Variants in VAC14 observed in about 807,000 individuals in gnomAD.
VAC14 encodes protein VAC14 homolog.
Under a neutral mutation model 85.3 loss-of-function variants are expected in VAC14, and 47 were observed. That is an observed-to-expected ratio of 0.55 (90% CI 0.44 to 0.70). VAC14 has a LOEUF of 0.70. Among genes scored for constraint, VAC14 ranks in the 30% least tolerant of loss-of-function variants. The pLI, the probability that VAC14 is intolerant of heterozygous loss-of-function variation, is 0.00. For synonymous variants in VAC14, 447 were observed against 430.5 expected, an observed-to-expected ratio of 1.04 and a Z score of -0.47; for missense variants, 861 against 1,004.3, an observed-to-expected ratio of 0.86 and a Z score of 1.93.
At chr16:70,779,396 C>T (rs1384727082) in intron 9 of VAC14, among the ~76,000 whole-genome samples, 1 of 152,214 alleles carries the variant, frequency 6.6e-6, no homozygotes, top group Non-Finnish European at 1.5e-5. Context: ...TAGGCTTAGT[C>T]TTCCCTATAA....
At chr16:70,695,644 AGTCT>A in intron 16 of VAC14, 21 bp from the exon 17 acceptor site, 1 of 1,609,760 alleles carries the variant, frequency 6.2e-7, no homozygotes, top group Non-Finnish European at 8.5e-7. Flanking sequence ...AGTCAAGGAA[AGTCT>A]GTCTGCTGGG....
intron 14 of VAC14, among the ~76,000 whole-genome samples, chr16:70,706,304 G>C (rs896662598): frequency 6.6e-6 from 1 of 152,252 alleles, no homozygotes; most frequent in Non-Finnish European, 1.5e-5. Flanking sequence ...TCTGAGGACA[G>C]TGTGGGCTGG....
In VAC14 at chr16:70,689,116, T is replaced by C. The variant is rs577734110; in HGVS notation, c.2187-1026A>G. On this transcript the variant is annotated intron_variant, in intron 18 of 18. Transcript: ENST00000261776. ...GCAGAGCACAGGATCTAGACAGACC[T>C]GGACCCAACCATAACTCCACCGCTT... 102 of 983,196 alleles carry C rather than the reference T, an allele frequency of 1.0e-4. No homozygotes were observed. The African/African-American group carries it at 1.8e-3, about 17-fold the overall frequency. 60.9% of individuals were successfully genotyped at this position (983,196 alleles called of 1,614,324 possible).
chr16:70,772,725 A>G (rs1195678370), intron 9 of VAC14: 1 of 152,360 alleles, frequency 6.6e-6, no homozygotes, highest in Non-Finnish European at 1.5e-5. Flanking sequence ...ACTCCTAGGT[A>G]TATGCCAAAG....
chr16:70,765,200 G>A (rs2032711905), intron 10 of VAC14, among the ~76,000 whole-genome samples: 2 of 152,114 alleles, frequency 1.3e-5, no homozygotes, highest in South Asian at 2.1e-4. Context: ...AGGGTGTCAC[G>A]AGGACCCCGT....
chr16:70,708,332 G>A (rs568921948), intron 14 of VAC14, among the ~76,000 whole-genome samples: 3 of 152,304 alleles, frequency 2.0e-5, no homozygotes, highest in African/African-American at 7.2e-5. Flanking sequence ...CAATGGGGGA[G>A]ATGAATGCTT....
At chr16:70,799,986 A>G (rs2034700817) in intron 1 of VAC14, among the ~76,000 whole-genome samples, 1 of 152,162 alleles carries the variant, frequency 6.6e-6, no homozygotes, top group Admixed American at 6.5e-5. Flanking sequence ...CAGAAATACA[A>G]TTCACCTTTT....
chr16:70,704,116 C>A (rs910042180), intron 14 of VAC14, among the ~76,000 whole-genome samples: 1 of 152,196 alleles, frequency 6.6e-6, no homozygotes, highest in Non-Finnish European at 1.5e-5. Context: ...AGATGCTCTC[C>A]CAAACCCCCA....
intron 2 of VAC14, 162 bp downstream of exon 2, chr16:70,786,053 C>T: frequency 2.2e-6 from 3 of 1,392,884 alleles, no homozygotes; most frequent in Admixed American, 2.3e-5. Flanking sequence ...GACCAGGCTG[C>T]AAGGCCGCAA....
intron 14 of VAC14, among the ~76,000 whole-genome samples, chr16:70,723,714 T>C (rs1463588925): frequency 2.6e-5 from 4 of 151,868 alleles, no homozygotes; most frequent in Admixed American, 1.3e-4. Flanking sequence ...GCCCTGCTGG[T>C]TGCCTGAGCT....
At position 70,801,142 on chromosome 16, in the gene VAC14, G is replaced by C. The variant is rs897059782; in HGVS notation, c.-242C>G. On this transcript the variant is annotated 5_prime_UTR_variant, in exon 1 of 19. Transcript: ENST00000261776. ...CACTAGCGGGACTCACGAGACAGCG[G>C]CCATGTTACTCGAGTCACATGACTC... The C allele has an allele frequency of 2.1e-5, 9 of 419,352 alleles. No homozygotes were observed. The highest frequency in any genetic ancestry group is 1.7e-4 in the African/African-American group (8 of 47,712). The allele number at this position is 419,352 out of a possible 1,614,324, so 26.0% of individuals were successfully genotyped here. A position where few individuals can be genotyped will look rare whatever the true frequency, so the allele number is the denominator to read the frequency against.
At chr16:70,727,260 C>G (rs998291801) in intron 14 of VAC14, among the ~76,000 whole-genome samples, 1 of 152,248 alleles carries the variant, frequency 6.6e-6, no homozygotes. Flanking sequence ...GTTAAGAAAT[C>G]ATTGTGCTCC....
At chr16:70,717,333 A>T (rs2054188388) in intron 14 of VAC14, among the ~76,000 whole-genome samples, 1 of 152,232 alleles carries the variant, frequency 6.6e-6, no homozygotes, top group Non-Finnish European at 1.5e-5. Context: ...AGGAAGAGCC[A>T]GCTGTGGCGG....
chr16:70,786,041 G>C, intron 2 of VAC14, 172 bp from the exon 3 acceptor site: 2 of 1,347,766 alleles, frequency 1.5e-6, no homozygotes, highest in Non-Finnish European at 2.0e-6. Flanking sequence ...CCATGCCTAG[G>C]GGACCAGGCT....
intron 12 of VAC14, among the ~76,000 whole-genome samples, chr16:70,760,097 G>A (rs952707632): frequency 3.9e-5 from 6 of 152,156 alleles, no homozygotes; most frequent in African/African-American, 7.2e-5. Flanking sequence ...AACCTGTGCC[G>A]CGGGGCTGCC....
chr16:70,736,322 A>G (rs965641116), intron 13 of VAC14, among the ~76,000 whole-genome samples: 27 of 152,324 alleles, frequency 1.8e-4, no homozygotes, highest in Admixed American at 2.6e-4. Context: ...AGCGTCCCAT[A>G]GCGCAGAGCA....
intron 18 of VAC14, chr16:70,688,781 C>G: frequency 2.0e-6 from 2 of 985,616 alleles, no homozygotes; most frequent in Non-Finnish European, 2.4e-6. Flanking sequence ...GGTAGCCTTG[C>G]TGTCCCTGTC....
chr16:70,751,320 T>C (rs546790074), intron 12 of VAC14, among the ~76,000 whole-genome samples: 9 of 152,202 alleles, frequency 5.9e-5, no homozygotes, highest in African/African-American at 7.2e-5. Flanking sequence ...CACTTGGTAC[T>C]GGCGGGGAGA....
At chr16:70,708,600 C>A (rs955140356) in intron 14 of VAC14, among the ~76,000 whole-genome samples, 2 of 152,242 alleles carry the variant, frequency 1.3e-5, no homozygotes, top group African/African-American at 4.8e-5. Flanking sequence ...AGAGGCTGCG[C>A]CTTCTATCCC....
Sources: allele counts gnomAD v4.1 joint callset (sites outside exome capture counted in the v4.1 genomes callset), GRCh38; gene constraint gnomAD v4.1.1; transcripts MANE v1.5; gene names NCBI Gene and HGNC (gene_info 2026-07-23, HGNC 2026-07-21).